CC2D2A: variants seen among roughly 807,000 people sequenced by gnomAD.
The protein encoded by CC2D2A is coiled-coil and C2 domain-containing protein 2A.
A neutral mutation model predicts 212.9 loss-of-function variants in CC2D2A; 155 were observed. That is an observed-to-expected ratio of 0.73 (90% CI 0.64 to 0.83). CC2D2A has a LOEUF of 0.83. CC2D2A is among the 40% of genes least tolerant of loss of function. CC2D2A has a pLI of 0.00. For missense variants in CC2D2A, 1,856 were observed against 1,956.2 expected (o/e 0.95, Z 0.97); for synonymous variants, 667 against 686.5 (o/e 0.97, Z 0.44).
chr4:15,492,491 C>CT (rs370840520), intron 4 of CC2D2A, among the ~76,000 whole-genome samples: 38 of 150,568 alleles, frequency 2.5e-4, no homozygotes, highest in African/African-American at 5.1e-4. Flanking sequence ...ATGCCAAATT[C>CT]TTTTTTTTGT....
intron 11 of CC2D2A, among the ~76,000 whole-genome samples, chr4:15,520,309 C>A (rs1717132567): frequency 6.6e-6 from 1 of 152,102 alleles, no homozygotes; most frequent in Non-Finnish European, 1.5e-5. Context: ...GGCAGATTTA[C>A]AAAACAAGGG....
At chr4:15,592,873 G>A (rs1024428770) in intron 33 of CC2D2A, among the ~76,000 whole-genome samples, 7 of 152,092 alleles carry the variant, frequency 4.6e-5, no homozygotes, top group Admixed American at 4.6e-4. Flanking sequence ...CCCAAAACCA[G>A]CTCCCCTTCC....
intron 4 of CC2D2A, among the ~76,000 whole-genome samples, chr4:15,500,729 G>A (rs1715902480): frequency 6.6e-6 from 1 of 152,176 alleles, no homozygotes; most frequent in Non-Finnish European, 1.5e-5. Flanking sequence ...AGCAGGCTCA[G>A]GAGGAACCTG....
At chr4:15,475,862 A>G (rs923431044) in intron 1 of CC2D2A, 53 bp from the exon 2 acceptor site, 2 of 1,357,334 alleles carry the variant, frequency 1.5e-6, no homozygotes, top group Non-Finnish European at 2.1e-6. Flanking sequence ...TAGTAAGAGA[A>G]GCAATATTTC....
intron 19 of CC2D2A, among the ~76,000 whole-genome samples, 168 bp downstream of exon 19, chr4:15,553,473 C>T (rs535483136): frequency 5.3e-5 from 8 of 152,230 alleles, no homozygotes; most frequent in African/African-American, 1.4e-4. Flanking sequence ...TTTATAATAA[C>T]CTCTAGTCCA....
chr4:15,489,412 G>A (rs903453942), intron 4 of CC2D2A, among the ~76,000 whole-genome samples: 2 of 152,052 alleles, frequency 1.3e-5, no homozygotes, highest in Non-Finnish European at 2.9e-5. Flanking sequence ...GGAGAATGTA[G>A]GAAATGTCAA....
chr4:15,538,936 T>C (rs1476537637), intron 16 of CC2D2A, among the ~76,000 whole-genome samples: 1 of 152,088 alleles, frequency 6.6e-6, no homozygotes, highest in African/African-American at 2.4e-5. Context: ...TGGTGGCTCA[T>C]GCCTGTAACC....
At chr4:15,590,517 A>G (rs752765655) in intron 33 of CC2D2A, among the ~76,000 whole-genome samples, 3 of 152,202 alleles carry the variant, frequency 2.0e-5, no homozygotes, top group Non-Finnish European at 4.4e-5. Context: ...TCCATCTCAA[A>G]GAAAAATGAG....
chr4:15,523,330 T>C (rs1717319749), intron 11 of CC2D2A, among the ~76,000 whole-genome samples: 1 of 152,150 alleles, frequency 6.6e-6, no homozygotes, highest in Non-Finnish European at 1.5e-5. Flanking sequence ...CTTTGTGCCT[T>C]GGCTGGAAAG....
rs1224930014 is a variant in CC2D2A at position 15,540,859 on chromosome 4, G to A, written c.2026G>A (p.Asp676Asn). The stretch of plus-strand genomic sequence containing the variant: ...CAGAGCGGAGGTCTCGAGAAGGGAG[G>A]ATGTAAAGAAGCGCTCAGTGTACTT... ...CPRAEVSRRE[D>N]VKKRSVYLKV... is the part of the protein sequence containing the mutation. Residue 676 changes from aspartate (D) to asparagine (N), a missense_variant, in exon 17 of 37, where the codon GAT (aspartate) becomes AAT (asparagine). Coordinates refer to ENST00000424120, the MANE Select transcript of CC2D2A (RefSeq NM_001378615.1). 2 of 1,600,906 alleles carry A rather than the reference G, an allele frequency of 1.2e-6. No homozygotes were observed. The highest frequency in any genetic ancestry group is 2.2e-5 in the East Asian group (1 of 44,464).
intron 6 of CC2D2A, among the ~76,000 whole-genome samples, chr4:15,509,277 CT>C (rs34725428): frequency 5.0e-4 from 72 of 145,240 alleles, no homozygotes; most frequent in African/African-American, 5.1e-4. Flanking sequence ...TGAGATAACA[CT>C]TTTTTTTTTT....
chr4:15,557,262 T>C, intron 20 of CC2D2A, 42 bp from the exon 21 acceptor site: 1 of 1,437,354 alleles, frequency 7.0e-7, no homozygotes, highest in Non-Finnish European at 9.7e-7. Flanking sequence ...TTGGATGAGA[T>C]CTGACTGTCA....
intron 3 of CC2D2A, chr4:15,479,407 C>A: frequency 8.7e-7 from 1 of 1,147,982 alleles, no homozygotes; most frequent in South Asian, 1.3e-5. Context: ...CTGCTTGGAA[C>A]AATCAAGATG....
Position 15,553,195 on chromosome 4 carries a change from G to C in CC2D2A, c.2376G>C (p.Gln792His), listed in dbSNP as rs766615875. 6.2e-7 allele frequency: 1 copy of C among 1,608,150 alleles called. No individual in the cohort carries two copies. Reference sequence around the variant, plus strand: ...CATTTGAAGCTGATGGCAGTAACCAGCTGACTCTGATGACCTCAGGGAAAG... The same window carrying C: ...CATTTGAAGCTGATGGCAGTAACCACCTGACTCTGATGACCTCAGGGAAAG... ...PFSFEADGSN[Q>H]LTLMTSGKVS... Residue 792 changes from glutamine to histidine, a missense_variant, in exon 19 of 37, where the codon CAG becomes CAC. Gln to His is a conservative substitution (Grantham distance 24). Around this residue, in one of 5 missense-constraint regions of CC2D2A, gnomAD observed 1,512 missense variants for 1,579.3 expected, o/e 0.96. Coordinates refer to ENST00000424120, the MANE Select transcript of CC2D2A (RefSeq NM_001378615.1).
At position 15,538,067 on chromosome 4, in the gene CC2D2A, C is replaced by G; in HGVS notation, c.1933C>G (p.Pro645Ala). ...GAGAGCAGCCCAGAGCAGGAGGAGG[C>G]CTTGGGAGCCCACGCTGGTCCCGGA... ...RERAAQSRRR[P>A]WEPTLVPELS... The change falls in exon 16 of 37, where the codon CCT becomes GCT. Residue 645 changes from proline to alanine, a missense_variant. This residue lies in a region of CC2D2A where 1,512 missense variants were observed against 1,579.3 expected (regional missense o/e 0.96). Coordinates refer to ENST00000424120, the MANE Select transcript of CC2D2A (RefSeq NM_001378615.1). 1 of 1,607,342 alleles carries G rather than the reference C, an allele frequency of 6.2e-7. No homozygotes were observed. The highest frequency in any genetic ancestry group is 8.5e-7 in the Non-Finnish European group (1 of 1,177,082).
rs796270654 is a variant in CC2D2A at position 15,517,099 on chromosome 4, C to A, written c.1149+343C>A. Among the ~76,000 whole-genome samples, 35 of 152,030 alleles carry A rather than the reference C, an allele frequency of 2.3e-4. 1 individual carries two copies. Among genetic ancestry groups the A allele is most frequent in the African/African-American group, 7.7e-4 (32 of 41,512 alleles). Reference sequence around the variant, plus strand: ...AGTAGCTGGGACTACAGGTGCCCGCCACCTCGCCCGGCTAATTTTTTGTAT... The same window carrying A: ...AGTAGCTGGGACTACAGGTGCCCGCAACCTCGCCCGGCTAATTTTTTGTAT... On this transcript the variant is annotated intron_variant, in intron 11 of 36. Coordinates refer to ENST00000424120, the MANE Select transcript of CC2D2A (RefSeq NM_001378615.1).
intron 21 of CC2D2A, among the ~76,000 whole-genome samples, chr4:15,558,386 T>TA (rs1719396740): frequency 1.3e-5 from 2 of 152,164 alleles, no homozygotes; most frequent in Non-Finnish European, 2.9e-5. Flanking sequence ...GTTTACTGGA[T>TA]GATGAAATCT....
intron 4 of CC2D2A, among the ~76,000 whole-genome samples, chr4:15,501,215 G>A (rs775809154): frequency 1.3e-5 from 2 of 152,064 alleles, no homozygotes; most frequent in Non-Finnish European, 2.9e-5. Context: ...CAGAAGACAC[G>A]ACTGCTGCTG....
intron 6 of CC2D2A, among the ~76,000 whole-genome samples, chr4:15,508,094 T>C (rs1220964156): frequency 1.3e-5 from 2 of 152,202 alleles, no homozygotes; most frequent in African/African-American, 4.8e-5. Flanking sequence ...CATCTGTTTC[T>C]GAGCCCCTCC....
Sources: allele counts gnomAD v4.1 joint callset (sites outside exome capture counted in the v4.1 genomes callset), GRCh38; gene constraint gnomAD v4.1.1; regional missense constraint gnomAD v4.1.1; transcripts MANE v1.5; gene names NCBI Gene and HGNC (gene_info 2026-07-23, HGNC 2026-07-21).